The following TGFBR2 variants were observed in gnomAD, a reference collection of about 807,000 sequenced individuals.
The protein encoded by TGFBR2 is transforming growth factor beta receptor 2.
In TGFBR2, 18 loss-of-function variants were observed where a neutral mutation model predicts 49.0. The ratio of observed to expected loss-of-function variants is 0.37; its 90% CI spans 0.25 to 0.54. TGFBR2 has a LOEUF of 0.54. Among genes scored for constraint, TGFBR2 ranks in the 20% least tolerant of loss-of-function variants. The pLI, the probability that TGFBR2 is intolerant of heterozygous loss-of-function variation, is 0.85. For missense variants in TGFBR2, 525 were observed against 722.6 expected, an observed-to-expected ratio of 0.73 and a Z score of 3.13; for synonymous variants, 282 against 275.9, an observed-to-expected ratio of 1.02 and a Z score of -0.22.
At chr3:30,626,000 C>T (rs1280830121) in intron 1 of TGFBR2, among the ~76,000 whole-genome samples, 1 of 152,190 alleles carries the variant, frequency 6.6e-6, no homozygotes, top group African/African-American at 2.4e-5. Flanking sequence ...GGATCACCTG[C>T]GAACTTCTAA....
chr3:30,688,740 A>C (rs570829943), intron 6 of TGFBR2, among the ~76,000 whole-genome samples: 1 of 152,344 alleles, frequency 6.6e-6, no homozygotes, highest in South Asian at 2.1e-4. Context: ...CATTCGGAGG[A>C]CATTTGCCAC....
chr3:30,669,302 GC>G (rs1699299647), intron 3 of TGFBR2, among the ~76,000 whole-genome samples: 1 of 151,960 alleles, frequency 6.6e-6, no homozygotes, highest in Admixed American at 6.6e-5. Context: ...TGCTGAAGTA[GC>G]TATGTAGACT....
chr3:30,633,662 T>C (rs1021634254), intron 1 of TGFBR2, among the ~76,000 whole-genome samples: 3 of 152,178 alleles, frequency 2.0e-5, no homozygotes, highest in Non-Finnish European at 4.4e-5. Context: ...CAGCTCACAG[T>C]CAGCTGACTG....
rs909244919 is a variant in TGFBR2, at chr3:30,691,719, C to T, written c.*120C>T. Reference sequence around the variant, plus strand: ...GGAAAACCAAGGGGGTCACTCCCCTCCCTGTAAGCTGTGGGGATAAGCAGA... The same window carrying T: ...GGAAAACCAAGGGGGTCACTCCCCTTCCTGTAAGCTGTGGGGATAAGCAGA... On this transcript the variant is annotated 3_prime_UTR_variant, in exon 7 of 7. Transcript: ENST00000295754. 1.8e-6 allele frequency: 2 copies of T among 1,113,386 alleles called. No individual in the cohort carries two copies. The highest frequency in any genetic ancestry group is 1.5e-5 in the African/African-American group (1 of 65,044). 69.0% of individuals were successfully genotyped at this position (1,113,386 alleles called of 1,614,324 possible). A position where few individuals can be genotyped will look rare whatever the true frequency, so the allele number is the denominator to read the frequency against.
intron 6 of TGFBR2, 58 bp downstream of exon 6, chr3:30,688,569 G>C: frequency 6.2e-7 from 1 of 1,608,652 alleles, no homozygotes; most frequent in Non-Finnish European, 8.5e-7. Flanking sequence ...CTCTTAGGTG[G>C]CAGAGAATTC....
At chr3:30,623,773 T>C (rs1698277937) in intron 1 of TGFBR2, among the ~76,000 whole-genome samples, 1 of 152,222 alleles carries the variant, frequency 6.6e-6, no homozygotes, top group Non-Finnish European at 1.5e-5. Context: ...CTTCATCATA[T>C]AGACATAGAG....
intron 1 of TGFBR2, among the ~76,000 whole-genome samples, chr3:30,615,592 G>T (rs1290766533): frequency 6.6e-6 from 1 of 152,100 alleles, no homozygotes; most frequent in Non-Finnish European, 1.5e-5. Flanking sequence ...AATGTTATTG[G>T]AAGAGATGAT....
chr3:30,676,750 G>A lies in TGFBR2; in HGVS notation c.1396+2504G>A, dbSNP rs1699446182. Among the ~76,000 whole-genome samples, 1 of 152,182 alleles carries A rather than the reference G, an allele frequency of 6.6e-6. No individual in the cohort carries two copies. The highest frequency in any genetic ancestry group is 2.4e-5 in the African/African-American group (1 of 41,444). ...GTCACCCCCTCCCATCCTGCACCCT[G>A]CTGAACCTCACATGTTTTCCTGAGA... is the stretch of plus-strand genomic sequence containing the variant. On this transcript the variant is annotated intron_variant, in intron 5 of 6. Transcript: ENST00000295754. This position sits in a 1 kb window ranked among gnomAD's most constrained non-coding sequence, Gnocchi z 4.3.
At chr3:30,657,349 C>A (rs924938242) in intron 3 of TGFBR2, among the ~76,000 whole-genome samples, 4 of 152,188 alleles carry the variant, frequency 2.6e-5, no homozygotes, top group African/African-American at 7.2e-5. Flanking sequence ...CAGGCTGACA[C>A]TGTTTCCATG....
intron 1 of TGFBR2, among the ~76,000 whole-genome samples, chr3:30,640,288 C>G (rs1316149236): frequency 1.3e-5 from 2 of 152,124 alleles, no homozygotes; most frequent in Non-Finnish European, 2.9e-5. Context: ...ATTGGAACTT[C>G]TTTCTGGAGA....
At position 30,672,101 on chromosome 3, in the gene TGFBR2, G is replaced by C. The variant is rs1274833112; in HGVS notation, c.918G>C (p.Gln306His). 6.2e-7 allele frequency: 1 copy of C among 1,614,242 alleles called. No individual in the cohort carries two copies. The highest frequency in any genetic ancestry group is 1.1e-5 in the South Asian group (1 of 91,090). The change falls in exon 4 of 7, where the codon CAG becomes CAC. Residue 306 changes from glutamine to histidine, a missense_variant. Coordinates refer to ENST00000295754, the MANE Select transcript of TGFBR2 (RefSeq NM_003242.6). The surrounding 1 kb of genome is among the most constrained non-coding windows in gnomAD (Gnocchi z 4.5). Reference protein sequence around the residue: ...DINLKHENILQFLTAEERKTE... With the variant: ...DINLKHENILHFLTAEERKTE... Reference sequence around the variant, plus strand: ...ATCTGAAGCATGAGAACATACTCCAGTTCCTGACGGCTGAGGAGCGGAAGA... The same window carrying C: ...ATCTGAAGCATGAGAACATACTCCACTTCCTGACGGCTGAGGAGCGGAAGA...
chr3:30,608,303 G>A (rs1697970026), intron 1 of TGFBR2, among the ~76,000 whole-genome samples: 1 of 152,170 alleles, frequency 6.6e-6, no homozygotes, highest in Non-Finnish European at 1.5e-5. Flanking sequence ...GGGTAACCGA[G>A]TATTTGGGCA....
intron 1 of TGFBR2, among the ~76,000 whole-genome samples, chr3:30,627,882 T>C (rs1018421667): frequency 1.8e-4 from 27 of 152,194 alleles, no homozygotes; most frequent in African/African-American, 5.1e-4. Flanking sequence ...TTATGGAGCA[T>C]CATTAAAGTC....
intron 1 of TGFBR2, among the ~76,000 whole-genome samples, chr3:30,640,883 G>A (rs1260449542): frequency 6.6e-6 from 1 of 152,168 alleles, no homozygotes; most frequent in Non-Finnish European, 1.5e-5. Context: ...TTTATTCCTA[G>A]CTATGCACAT....
At chr3:30,679,780 C>CT (rs1041738149) in intron 5 of TGFBR2, among the ~76,000 whole-genome samples, 1 of 152,180 alleles carries the variant, frequency 6.6e-6, no homozygotes, top group Non-Finnish European at 1.5e-5. Context: ...GCTCACAGGC[C>CT]TTAGTATTCC....
At chr3:30,637,853 G>T (rs1181785425) in intron 1 of TGFBR2, among the ~76,000 whole-genome samples, 1 of 152,138 alleles carries the variant, frequency 6.6e-6, no homozygotes, top group African/African-American at 2.4e-5. Context: ...TAAATTTTTA[G>T]AAGCGAAAGT....
intron 1 of TGFBR2, among the ~76,000 whole-genome samples, chr3:30,638,720 C>T (rs572282625): frequency 6.6e-6 from 1 of 152,210 alleles, no homozygotes; most frequent in South Asian, 2.1e-4. Context: ...TAGTAATTGG[C>T]CAAGGTATCT....
chr3:30,655,698 G>A (rs531219197), intron 3 of TGFBR2, among the ~76,000 whole-genome samples: 13 of 152,278 alleles, frequency 8.5e-5, no homozygotes, highest in East Asian at 3.9e-4. Context: ...GAATGACTGC[G>A]CCATTATTGG....
intron 3 of TGFBR2, among the ~76,000 whole-genome samples, 197 bp from the exon 4 acceptor site, chr3:30,671,441 A>T (rs1699334348): frequency 6.6e-6 from 1 of 152,204 alleles, no homozygotes; most frequent in Non-Finnish European, 1.5e-5. Flanking sequence ...AGAGCAGGGG[A>T]TGACGAACAG....
Sources: gnomAD v4.1 joint callset for allele counts (sites outside exome capture counted in the v4.1 genomes callset) on GRCh38, gnomAD v4.1.1 for gene constraint, Gnocchi (gnomAD v3.1) non-coding constraint, MANE v1.5 for transcripts, NCBI Gene and HGNC (gene_info 2026-07-23, HGNC 2026-07-21) for gene names.